Variants in PHACTR1 observed in about 807,000 individuals in gnomAD.
PHACTR1 encodes the protein RPEL repeat containing 1.
PHACTR1 carries 16 observed loss-of-function variants against 69.2 expected under a neutral mutation model. That is an observed-to-expected ratio of 0.23 (90% CI 0.16 to 0.35). The LOEUF is 0.35. Among genes scored for constraint, PHACTR1 ranks in the 10% least tolerant of loss-of-function variants. PHACTR1 has a pLI of 1.00. For synonymous variants in PHACTR1, 312 were observed against 284.5 expected (o/e 1.10, Z -0.97); for missense variants, 510 against 734.7 (o/e 0.69, Z 3.54).
intron 4 of PHACTR1, among the ~76,000 whole-genome samples, chr6:12,981,483 A>G (rs1002800719): frequency 3.3e-5 from 5 of 152,234 alleles, no homozygotes; most frequent in African/African-American, 9.6e-5. Context: ...ACAATCTGAG[A>G]AAATCTCACA....
chr6:12,933,758 T>A, intron 4 of PHACTR1: 2 of 1,612,818 alleles, frequency 1.2e-6, no homozygotes, highest in Non-Finnish European at 1.7e-6. Flanking sequence ...AGCCCCTACA[T>A]ACACTACATC....
At chr6:12,844,739 T>C (rs1236075656) in intron 4 of PHACTR1, among the ~76,000 whole-genome samples, 1 of 149,682 alleles carries the variant, frequency 6.7e-6, no homozygotes, top group African/African-American at 2.5e-5. Context: ...AAGGAAAGAA[T>C]TAAAGGTGAA....
intron 13 of PHACTR1, among the ~76,000 whole-genome samples, chr6:13,284,633 T>G (rs1254249283): frequency 6.9e-6 from 1 of 144,972 alleles, no homozygotes; most frequent in Non-Finnish European, 1.5e-5. Flanking sequence ...TAGGTAACGA[T>G]AGAAACTATG....
chr6:12,992,436 CA>C lies in PHACTR1; in HGVS notation c.251-60928del, dbSNP rs142431211. On this transcript the variant is annotated intron_variant, in intron 4 of 14. Coordinates refer to ENST00000332995, the MANE Select transcript of PHACTR1 (RefSeq NM_030948.6). ...TATTTCAAACAGTGAGGAAGAAAAC[CA>C]GTTGAAGAAGAGGTCAGAACAATCA... 7.7e-3 allele frequency among the ~76,000 whole-genome samples: 1,170 copies of C among 152,158 alleles called. 51 individuals carry two copies. In the East Asian group the frequency reaches 0.13, roughly 17 times the overall value.
intron 5 of PHACTR1, among the ~76,000 whole-genome samples, chr6:13,071,558 G>A (rs530840638): frequency 1.2e-4 from 19 of 152,290 alleles, no homozygotes; most frequent in African/African-American, 4.1e-4. Context: ...ACAAAGCTGG[G>A]AGAGGTCTGT....
At chr6:13,281,275 C>T (rs562533183) in intron 12 of PHACTR1, 47 of 477,358 alleles carry the variant, frequency 9.8e-5, no homozygotes, top group African/African-American at 6.4e-4. Context: ...CCCTTTGGGC[C>T]GGGCTCGGTG....
rs192339208 is a variant in PHACTR1, at chr6:12,933,096, C to T, written c.251-120269C>T. ...GATTACAGGCACGCGCCACCAAGCC[C>T]GGCTGATTTTTGTATTTTTAGTAGA... On this transcript the variant is annotated intron_variant, in intron 4 of 14. Transcript: ENST00000332995. Among the ~76,000 whole-genome samples, 87 of 152,026 alleles carry T rather than the reference C, an allele frequency of 5.7e-4. No homozygotes were observed. The Middle Eastern group carries it at 0.01, about 18-fold the overall frequency.
chr6:12,772,403 G>A (rs917401372), intron 4 of PHACTR1, among the ~76,000 whole-genome samples: 3 of 152,172 alleles, frequency 2.0e-5, no homozygotes, highest in African/African-American at 7.2e-5. Flanking sequence ...TTCATAAGGG[G>A]AGAGAACAGA....
At chr6:12,863,395 G>A (rs747282470) in intron 4 of PHACTR1, among the ~76,000 whole-genome samples, 17 of 152,122 alleles carry the variant, frequency 1.1e-4, no homozygotes, top group Admixed American at 2.6e-4. Flanking sequence ...ACCATCAGGG[G>A]GATTCATGAC....
chr6:13,239,531 A>G (rs1031499383), intron 10 of PHACTR1, among the ~76,000 whole-genome samples: 1 of 152,342 alleles, frequency 6.6e-6, no homozygotes, highest in East Asian at 1.9e-4. Flanking sequence ...AAAAAAATCA[A>G]TGGAAGGTGA....
At chr6:13,075,235 A>G (rs891224724) in intron 5 of PHACTR1, among the ~76,000 whole-genome samples, 1 of 152,332 alleles carries the variant, frequency 6.6e-6, no homozygotes, top group East Asian at 1.9e-4. Context: ...CATATGAGAT[A>G]AGAACTATTC....
chr6:13,122,842 C>A (rs1818937606), intron 5 of PHACTR1, among the ~76,000 whole-genome samples: 1 of 152,164 alleles, frequency 6.6e-6, no homozygotes. Context: ...AAGTCACTGT[C>A]TTTAGTTCTT....
chr6:13,036,703 A>G (rs1016403690), intron 4 of PHACTR1, among the ~76,000 whole-genome samples: 4 of 152,188 alleles, frequency 2.6e-5, no homozygotes, highest in African/African-American at 9.6e-5. Flanking sequence ...AATTCTCCAC[A>G]TGGTATTTCT....
chr6:12,923,221 T>A (rs76638999), intron 4 of PHACTR1, among the ~76,000 whole-genome samples: 1,985 of 152,234 alleles, frequency 0.013, 47 homozygotes, highest in African/African-American at 0.045. Context: ...GGTCTAGATA[T>A]GACTGACAAG....
chr6:12,913,241 C>T (rs564818778), intron 4 of PHACTR1, among the ~76,000 whole-genome samples: 1 of 152,302 alleles, frequency 6.6e-6, no homozygotes, highest in East Asian at 1.9e-4. Context: ...CATCAGGTGA[C>T]TAGCCTGTGA....
chr6:13,245,707 C>T lies in PHACTR1; in HGVS notation c.1391+15514C>T, dbSNP rs532886952. Among the ~76,000 whole-genome samples, 4 of 152,144 alleles carry T rather than the reference C, an allele frequency of 2.6e-5. No homozygotes were observed. In the East Asian group the frequency reaches 7.7e-4, roughly 29 times the overall value. On this transcript the variant is annotated intron_variant, in intron 10 of 14. Transcript: ENST00000332995. The surrounding 1 kb of genome is among the most constrained non-coding windows in gnomAD (Gnocchi z 4.1). Reference sequence around the variant, plus strand: ...TTTTTTTCGTTGCAATTGCTTTTGGCATCTTCATGAAATCTTTGCCAGGTC... The same window carrying T: ...TTTTTTTCGTTGCAATTGCTTTTGGTATCTTCATGAAATCTTTGCCAGGTC...
intron 4 of PHACTR1, among the ~76,000 whole-genome samples, chr6:12,853,150 G>A (rs1257304676): frequency 6.6e-6 from 1 of 152,190 alleles, no homozygotes; most frequent in East Asian, 1.9e-4. Flanking sequence ...AGTACCAACT[G>A]TCAAGAAACA....
Position 13,283,299 on chromosome 6 carries a change from A to C in PHACTR1, c.1510-123A>C. On this transcript the variant is annotated intron_variant, in intron 12 of 14. Transcript: ENST00000332995. The surrounding 1 kb of genome is among the most constrained non-coding windows in gnomAD (Gnocchi z 4.7). ...CTCCCCCTGCCCCTGCCCCTCACTC[A>C]CTATGCGATGCATCCATCGCCTCAC... The C allele has an allele frequency of 8.5e-6, 8 of 937,346 alleles. No individual in the cohort carries two copies. The highest frequency in any genetic ancestry group is 2.3e-5 in the Admixed American group (1 of 42,964). The allele number at this position is 937,346 out of a possible 1,614,324, so 58.1% of individuals were successfully genotyped here. A position where few individuals can be genotyped will look rare whatever the true frequency, so the allele number is the denominator to read the frequency against.
intron 4 of PHACTR1, among the ~76,000 whole-genome samples, chr6:12,998,058 T>C (rs1478216885): frequency 6.6e-6 from 1 of 152,176 alleles, no homozygotes; most frequent in Non-Finnish European, 1.5e-5. Flanking sequence ...ATTTAAAATA[T>C]TCAATATAAC....
Sources: allele counts gnomAD v4.1 joint callset (sites outside exome capture counted in the v4.1 genomes callset), GRCh38; gene constraint gnomAD v4.1.1; non-coding constraint Gnocchi (gnomAD v3.1); transcripts MANE v1.5; gene names NCBI Gene and HGNC (gene_info 2026-07-23, HGNC 2026-07-21).